Variants in LRMDA observed in about 807,000 individuals in gnomAD.
The protein encoded by LRMDA is leucine rich melanocyte differentiation associated, also known as leucine-rich melanocyte differentiation-associated protein.
A neutral mutation model predicts 29.8 loss-of-function variants in LRMDA; 18 were observed. The observed-to-expected ratio is 0.60, with a 90% CI of 0.42 to 0.90. The LOEUF is 0.90. Ranked by LOEUF, LRMDA falls within the 40% of genes least tolerant of loss-of-function variation. The pLI, the probability that LRMDA is intolerant of heterozygous loss-of-function variation, is 0.00. For synonymous variants in LRMDA, 125 were observed against 109.4 expected (o/e 1.14, Z -0.89); for missense variants, 273 against 273.9 (o/e 1.00, Z 0.02).
At chr10:76,240,195 A>C (rs958651783) in intron 5 of LRMDA, among the ~76,000 whole-genome samples, 1 of 148,564 alleles carries the variant, frequency 6.7e-6, no homozygotes, top group African/African-American at 2.5e-5. Context: ...CACACACACC[A>C]CACACACACA....
rs1486324423 is a variant in LRMDA at position 76,014,130 on chromosome 10, A to ATATATATATATAAT, written c.132-21866_132-21865insATTATATATATATA. On this transcript the variant is annotated intron_variant, in intron 2 of 6. Transcript: ENST00000611255. ...AGTATATATATATATATATAATTAT[A>ATATATATATATAAT]TATATATATATATAATTATATATAT... Among the ~76,000 whole-genome samples the ATATATATATATAAT allele has an allele frequency of 1.0e-3, 142 of 136,654 alleles. 2 individuals are homozygous for ATATATATATATAAT. Among genetic ancestry groups the ATATATATATATAAT allele is most frequent in the East Asian group, 4.2e-3 (20 of 4,802 alleles). The allele number at this position is 136,654 out of a possible 152,430, so 89.7% of individuals were successfully genotyped here.
chr10:76,250,810 C>T (rs551805087), intron 5 of LRMDA, among the ~76,000 whole-genome samples: 4 of 152,314 alleles, frequency 2.6e-5, no homozygotes, highest in African/African-American at 4.8e-5. Context: ...AGAGCAACAA[C>T]TTTGTGGGAT....
At chr10:75,821,795 C>CA (rs142834137) in intron 2 of LRMDA, among the ~76,000 whole-genome samples, 16 of 151,010 alleles carry the variant, frequency 1.1e-4, no homozygotes, top group South Asian at 4.2e-4. Context: ...AACAAACAAA[C>CA]AAAAAAAACC....
chr10:75,973,728 C>A (rs1346257637), intron 2 of LRMDA, among the ~76,000 whole-genome samples: 1 of 152,104 alleles, frequency 6.6e-6, no homozygotes, highest in Admixed American at 6.5e-5. Context: ...CGGCCCTCAT[C>A]CTTTATGCAG....
rs142517023 is a variant in LRMDA at position 75,824,174 on chromosome 10, T to C, written c.132-211834T>C. Among the ~76,000 whole-genome samples, 125 of 152,306 alleles carry C rather than the reference T, an allele frequency of 8.2e-4. 4 individuals carry two copies. The East Asian group carries it at 0.021, about 26-fold the overall frequency. On this transcript the variant is annotated intron_variant, in intron 2 of 6. Coordinates refer to ENST00000611255, the MANE Select transcript of LRMDA (RefSeq NM_001305581.2). ...TTCAAAAAATATTTTGATTACATGT[T>C]GATTGTATTTGGGACATATTAAATG...
intron 6 of LRMDA, among the ~76,000 whole-genome samples, chr10:76,333,878 G>A (rs1330047141): frequency 2.0e-5 from 3 of 152,152 alleles, no homozygotes; most frequent in African/African-American, 7.2e-5. Flanking sequence ...GAGAAACAGA[G>A]GACCAGAAAG....
intron 5 of LRMDA, among the ~76,000 whole-genome samples, chr10:76,266,521 G>T (rs1343006898): frequency 1.3e-5 from 2 of 152,020 alleles, no homozygotes; most frequent in Non-Finnish European, 1.5e-5. Flanking sequence ...ACCTAATTTA[G>T]TTCTTGCAAT....
At chr10:75,754,105 G>C (rs1332964387) in intron 2 of LRMDA, among the ~76,000 whole-genome samples, 1 of 152,212 alleles carries the variant, frequency 6.6e-6, no homozygotes, top group Non-Finnish European at 1.5e-5. Flanking sequence ...CTTCCAGCCA[G>C]CCCTGCCCAG....
intron 6 of LRMDA, among the ~76,000 whole-genome samples, chr10:76,337,345 A>G (rs1366960194): frequency 6.6e-6 from 1 of 152,222 alleles, no homozygotes; most frequent in Admixed American, 6.5e-5. Context: ...TACTAAGATG[A>G]AAACGACAGC....
chr10:76,470,525 A>G (rs555723986), intron 6 of LRMDA: 1 of 152,046 alleles, frequency 6.6e-6, no homozygotes, highest in Admixed American at 6.6e-5. Context: ...AATGGATAAA[A>G]AATGTTGGAT....
chr10:76,262,583 C>G (rs771510651), intron 5 of LRMDA, among the ~76,000 whole-genome samples: 1 of 152,188 alleles, frequency 6.6e-6, no homozygotes, highest in Non-Finnish European at 1.5e-5. Context: ...TATATGTGTT[C>G]GGCACCTACA....
At chr10:75,952,809 T>G (rs1405036855) in intron 2 of LRMDA, among the ~76,000 whole-genome samples, 1 of 152,140 alleles carries the variant, frequency 6.6e-6, no homozygotes, top group Non-Finnish European at 1.5e-5. Context: ...CAGGCTGGAG[T>G]GCAGTGGTGC....
At chr10:75,630,108 G>C (rs775159196) in intron 2 of LRMDA, among the ~76,000 whole-genome samples, 26 of 152,300 alleles carry the variant, frequency 1.7e-4, no homozygotes, top group Non-Finnish European at 2.6e-4. Flanking sequence ...GTTAAAATTT[G>C]CCTGATGGAA....
intron 5 of LRMDA, among the ~76,000 whole-genome samples, chr10:76,198,711 C>A (rs1279972365): frequency 6.6e-6 from 1 of 152,202 alleles, no homozygotes; most frequent in Admixed American, 6.5e-5. Context: ...AATGAACTAT[C>A]CAGTTGTGAG....
chr10:76,489,800 A>G (rs1485931236), intron 6 of LRMDA, among the ~76,000 whole-genome samples: 1 of 151,704 alleles, frequency 6.6e-6, no homozygotes, highest in African/African-American at 2.4e-5. Flanking sequence ...GAATGTACTC[A>G]TGTAAACAAA....
At chr10:75,799,145 A>T (rs549327335) in intron 2 of LRMDA, among the ~76,000 whole-genome samples, 1 of 152,298 alleles carries the variant, frequency 6.6e-6, no homozygotes, top group Admixed American at 6.5e-5. Context: ...TTTATTCTTT[A>T]TCCACAGGCA....
intron 2 of LRMDA, among the ~76,000 whole-genome samples, chr10:75,554,967 G>A (rs1840196758): frequency 6.6e-6 from 1 of 152,150 alleles, no homozygotes; most frequent in Non-Finnish European, 1.5e-5. Flanking sequence ...AGGGTGGAGT[G>A]GATTCTTGTT....
At chr10:75,554,528 A>C (rs1287108181) in intron 2 of LRMDA, among the ~76,000 whole-genome samples, 1 of 152,206 alleles carries the variant, frequency 6.6e-6, no homozygotes, top group Non-Finnish European at 1.5e-5. Context: ...CTAGGAATGC[A>C]AAGACAAATG....
At chr10:76,240,750 A>G (rs1291186149) in intron 5 of LRMDA, among the ~76,000 whole-genome samples, 1 of 148,820 alleles carries the variant, frequency 6.7e-6, no homozygotes, top group Non-Finnish European at 1.5e-5. Flanking sequence ...CAATGAGTGG[A>G]TAAAGAAAAT....
Sources: gnomAD v4.1 joint callset for allele counts (sites outside exome capture counted in the v4.1 genomes callset) on GRCh38, gnomAD v4.1.1 for gene constraint, MANE v1.5 for transcripts, NCBI Gene and HGNC (gene_info 2026-07-23, HGNC 2026-07-21) for gene names.